Variants in DLGAP1 observed in about 807,000 individuals in gnomAD.
The protein encoded by DLGAP1 is DLG associated protein 1, also known as disks large-associated protein 1.
In DLGAP1, 11 loss-of-function variants were observed where a neutral mutation model predicts 90.8. The observed-to-expected ratio is 0.12, with a 90% CI of 0.08 to 0.20. The LOEUF is 0.20. Among genes scored for constraint, DLGAP1 ranks in the 10% least tolerant of loss-of-function variants. The probability of loss-of-function intolerance (pLI) is 1.00; values close to 1 mark genes in which losing one functional copy is unlikely to be tolerated. For synonymous variants in DLGAP1, 558 were observed against 540.7 expected (o/e 1.03, Z -0.44); for missense variants, 1,050 against 1,333.8 (o/e 0.79, Z 3.31).
rs143680049 is a variant in DLGAP1 at position 4,088,810 on chromosome 18, C to G, written c.-159+62370G>C. Among the ~76,000 whole-genome samples, 668 of 152,174 alleles carry G rather than the reference C, an allele frequency of 4.4e-3. 6 individuals are homozygous for G. The highest frequency in any genetic ancestry group is 0.015 in the African/African-American group (639 of 41,530). On this transcript the variant is annotated intron_variant, in intron 2 of 12. Transcript: ENST00000315677. ...ATGGAAGGGACATATCTCAAAATAA[C>G]AAGAGCCATTTATGACAAACCCACA... is the stretch of plus-strand genomic sequence containing the variant.
At chr18:4,143,970 G>A (rs1025343569) in intron 2 of DLGAP1, among the ~76,000 whole-genome samples, 1 of 152,118 alleles carries the variant, frequency 6.6e-6, no homozygotes, top group African/African-American at 2.4e-5. Context: ...GGTTGTGCTG[G>A]TATCTAAGAT....
intron 5 of DLGAP1, among the ~76,000 whole-genome samples, chr18:3,773,161 G>T (rs2064774822): frequency 6.6e-6 from 1 of 151,752 alleles, no homozygotes; most frequent in Admixed American, 6.6e-5. Flanking sequence ...AGGAACTCGT[G>T]GGAACTGAAA....
intron 2 of DLGAP1, among the ~76,000 whole-genome samples, chr18:4,097,529 CACCTCACAGGTAGG>C (rs1439311687): frequency 6.6e-6 from 1 of 152,212 alleles, no homozygotes; most frequent in African/African-American, 2.4e-5. Context: ...TGCCTCCAGA[CACCTCACAGGTAGG>C]AGTTTAGGCT....
rs974319218 is a variant in DLGAP1 at position 3,517,306 on chromosome 18, T to C, written c.2480-8645A>G. On this transcript the variant is annotated intron_variant, in intron 10 of 12. Transcript: ENST00000315677. The surrounding 1 kb of genome is among the most constrained non-coding windows in gnomAD (Gnocchi z 4.1). ...CATCTCCTGCCAATAGAAGGCTGTT[T>C]TGTCTACATTGAAAATCTGTTGTTT... 6.6e-5 allele frequency among the ~76,000 whole-genome samples: 10 copies of C among 152,218 alleles called. No homozygotes were observed. The highest frequency in any genetic ancestry group is 2.4e-4 in the African/African-American group (10 of 41,464).
intron 3 of DLGAP1, among the ~76,000 whole-genome samples, chr18:3,893,359 C>CT (rs1300842116): frequency 6.6e-6 from 1 of 151,774 alleles, no homozygotes; most frequent in African/African-American, 2.4e-5. Flanking sequence ...GGTGGATCAC[C>CT]TGAGGTCAGG....
At chr18:4,098,230 C>T (rs182771887) in intron 2 of DLGAP1, among the ~76,000 whole-genome samples, 31 of 152,182 alleles carry the variant, frequency 2.0e-4, no homozygotes, top group African/African-American at 7.5e-4. Flanking sequence ...AGATTTCATA[C>T]CAGCAGTCAA....
At chr18:3,815,929 A>T (rs2067082946) in intron 4 of DLGAP1, among the ~76,000 whole-genome samples, 1 of 152,232 alleles carries the variant, frequency 6.6e-6, no homozygotes, top group South Asian at 2.1e-4. Flanking sequence ...AACGAGAGTT[A>T]GCAGTAATGG....
chr18:4,445,316 CTTTAAG>C (rs2083634897), intron 1 of DLGAP1, among the ~76,000 whole-genome samples: 1 of 148,608 alleles, frequency 6.7e-6, no homozygotes, highest in African/African-American at 2.5e-5. Context: ...TTTTATTATA[CTTTAAG>C]TTTTAGGGTA....
chr18:3,527,410 C>CTTTTTTTTT (rs3075071), intron 10 of DLGAP1, among the ~76,000 whole-genome samples: 2 of 100,684 alleles, frequency 2.0e-5, no homozygotes, highest in African/African-American at 3.7e-5. Flanking sequence ...ATTTTCCAAA[C>CTTTTTTTTT]TTTTTTTTTT....
At chr18:4,396,894 G>A (rs1478212112) in intron 1 of DLGAP1, among the ~76,000 whole-genome samples, 1 of 152,158 alleles carries the variant, frequency 6.6e-6, no homozygotes, top group Non-Finnish European at 1.5e-5. Context: ...TGCTCTCTAA[G>A]CTAATTAGAA....
chr18:3,989,211 C>A (rs1221071142), intron 3 of DLGAP1, among the ~76,000 whole-genome samples: 1 of 152,158 alleles, frequency 6.6e-6, no homozygotes, highest in Non-Finnish European at 1.5e-5. Context: ...CTTAGTGAGT[C>A]CAGCAGAGTT....
At chr18:3,510,180 T>A (rs2050461423) in intron 10 of DLGAP1, among the ~76,000 whole-genome samples, 1 of 152,218 alleles carries the variant, frequency 6.6e-6, no homozygotes, top group Non-Finnish European at 1.5e-5. Flanking sequence ...AGGGCCTGAG[T>A]GGGCCAGAGT....
rs556297879 is a variant in DLGAP1 at position 4,157,732 on chromosome 18, T to C, written c.-266-6445A>G. 1.4e-4 allele frequency among the ~76,000 whole-genome samples: 21 copies of C among 152,280 alleles called. 1 individual carries two copies. In the South Asian group the frequency reaches 4.1e-3, roughly 30 times the overall value. Reference sequence around the variant, plus strand: ...CTGCCTCATTCATACGTGATGTTCATAATGGTGAATTCTGGGGGATGCACA... The same window carrying C: ...CTGCCTCATTCATACGTGATGTTCACAATGGTGAATTCTGGGGGATGCACA... On this transcript the variant is annotated intron_variant, in intron 1 of 12. Transcript: ENST00000315677.
chr18:3,600,953 TATATATAG>T lies in DLGAP1; in HGVS notation c.1592-18713_1592-18706del, dbSNP rs1297791026. 1.3e-4 allele frequency among the ~76,000 whole-genome samples: 8 copies of T among 60,408 alleles called. 2 individuals are homozygous for T. The highest frequency in any genetic ancestry group is 1.7e-4 in the Admixed American group (1 of 5,824). The allele number at this position is 60,408 out of a possible 152,430, so 39.6% of individuals were successfully genotyped here. A position where few individuals can be genotyped will look rare whatever the true frequency, so the allele number is the denominator to read the frequency against. ...ATAGATATATAGATAGATATATAGA[TATATATAG>T]ATATATAGATAGATATATAGATATA... On this transcript the variant is annotated intron_variant, in intron 7 of 12. Coordinates refer to ENST00000315677, the MANE Select transcript of DLGAP1 (RefSeq NM_004746.4).
intron 1 of DLGAP1, among the ~76,000 whole-genome samples, chr18:4,372,491 T>C (rs766385038): frequency 6.6e-6 from 1 of 152,178 alleles, no homozygotes; most frequent in African/African-American, 2.4e-5. Context: ...TAAAGAGGAA[T>C]AGAAGAGTGT....
At chr18:4,105,067 C>CA (rs2075837343) in intron 2 of DLGAP1, among the ~76,000 whole-genome samples, 1 of 152,112 alleles carries the variant, frequency 6.6e-6, no homozygotes, top group African/African-American at 2.4e-5. Context: ...TGCCAGGACA[C>CA]AGAGATGAGT....
chr18:4,252,501 A>G lies in DLGAP1; in HGVS notation c.-266-101214T>C, dbSNP rs1035327245. The stretch of plus-strand genomic sequence containing the variant: ...AGTTTGTGCATACTTACATTGAGAG[A>G]GTCAGAAAAGAAAAAAGCAGTGTTT... On this transcript the variant is annotated intron_variant, in intron 1 of 12. Transcript: ENST00000315677. Among the ~76,000 whole-genome samples the G allele has an allele frequency of 9.8e-5, 12 of 122,412 alleles. No individual in the cohort carries two copies. In the East Asian group the frequency reaches 2.3e-3, roughly 23 times the overall value. The allele number at this position is 122,412 out of a possible 152,430, so 80.3% of individuals were successfully genotyped here.
chr18:3,510,845 T>C (rs1011504628), intron 10 of DLGAP1, among the ~76,000 whole-genome samples: 1 of 152,218 alleles, frequency 6.6e-6, no homozygotes, highest in African/African-American at 2.4e-5. Context: ...AGTAAGACAG[T>C]GATTCTCAAA....
chr18:4,437,743 AT>A (rs1285886549), intron 1 of DLGAP1, among the ~76,000 whole-genome samples: 1 of 152,192 alleles, frequency 6.6e-6, no homozygotes, highest in Non-Finnish European at 1.5e-5. Flanking sequence ...GGTTTAAAAG[AT>A]TATATGCAAA....
Sources: allele counts gnomAD v4.1 joint callset (sites outside exome capture counted in the v4.1 genomes callset), GRCh38; gene constraint gnomAD v4.1.1; non-coding constraint Gnocchi (gnomAD v3.1); transcripts MANE v1.5; gene names NCBI Gene and HGNC (gene_info 2026-07-23, HGNC 2026-07-21).